SCLY: variants seen among roughly 807,000 people sequenced by gnomAD.
SCLY encodes putative selenocysteine lyase.
A neutral mutation model predicts 50.1 loss-of-function variants in SCLY; 38 were observed. The ratio of observed to expected loss-of-function variants is 0.76; its 90% CI spans 0.59 to 0.99. The LOEUF (loss-of-function observed/expected upper bound fraction) is 0.99, where lower values mean the gene tolerates loss of function less well. Ranked by LOEUF, SCLY falls within the 50% of genes least tolerant of loss-of-function variation. SCLY has a pLI of 0.00. For synonymous variants in SCLY, 243 were observed against 249.4 expected, an observed-to-expected ratio of 0.97 and a Z score of 0.24; for missense variants, 600 against 620.0, an observed-to-expected ratio of 0.97 and a Z score of 0.34.
intron 2 of SCLY, 128 bp downstream of exon 2, chr2:238,064,597 T>G (rs1476520461): frequency 1.3e-5 from 7 of 530,712 alleles, no homozygotes; most frequent in Non-Finnish European, 2.3e-5. Flanking sequence ...ATTCTTGAGC[T>G]GTAATTTTTG....
At chr2:238,065,660 T>TTTTTATTATTA (rs71402758) in intron 2 of SCLY, among the ~76,000 whole-genome samples, 1 of 143,514 alleles carries the variant, frequency 7.0e-6, no homozygotes, top group Non-Finnish European at 1.5e-5. Context: ...AATATTTTAT[T>TTTTTATTATTA]TTATTATTAT....
chr2:238,094,526 A>G lies in SCLY; in HGVS notation c.1108+4A>G, dbSNP rs1365763451. 1.2e-6 allele frequency: 2 copies of G among 1,611,600 alleles called. No individual in the cohort carries two copies. Among genetic ancestry groups the G allele is most frequent in the South Asian group, 2.2e-5 (2 of 91,012 alleles). The stretch of plus-strand genomic sequence containing the variant: ...ATCCGGGGACCCCGGCTTCAAGGTG[A>G]TGGCCCCTCACCCTGGTCTTTCCGA... On this transcript the variant is annotated splice_donor_region_variant and intron_variant, in intron 10 of 11. Transcript: ENST00000254663.
In SCLY at chr2:238,083,002, G is replaced by A; in HGVS notation, c.778-246G>A. The A allele has an allele frequency of 1.8e-6, 1 of 562,554 alleles. No individual in the cohort carries two copies. The allele number at this position is 562,554 out of a possible 1,614,324, so 34.8% of individuals were successfully genotyped here. On this transcript the variant is annotated intron_variant, in intron 6 of 11. Transcript: ENST00000254663. The surrounding 1 kb of genome is among the most constrained non-coding windows in gnomAD (Gnocchi z 4.3). The stretch of plus-strand genomic sequence containing the variant: ...ATCACATGATGCGCAGGGGAGAGCT[G>A]CCTGCCACAGAGCTGAGCACGAGAG...
In SCLY at chr2:238,069,666, T is replaced by C; in HGVS notation, c.484+189T>C. ...GGTGAATAGTTGCCCCTCACTGCAC[T>C]GGGCTCCCTGGCTGCCCCTCTCGGT... On this transcript the variant is annotated intron_variant, in intron 4 of 11. Coordinates refer to ENST00000254663, the MANE Select transcript of SCLY (RefSeq NM_016510.7). This position sits in a 1 kb window ranked among gnomAD's most constrained non-coding sequence, Gnocchi z 5.0. 2.0e-6 allele frequency: 1 copy of C among 509,996 alleles called. No individual in the cohort carries two copies. Among genetic ancestry groups the C allele is most frequent in the Non-Finnish European group, 3.3e-6 (1 of 302,882 alleles). The allele number at this position is 509,996 out of a possible 1,614,324, so 31.6% of individuals were successfully genotyped here.
At chr2:238,070,560 G>A (rs1415138810) in intron 4 of SCLY, among the ~76,000 whole-genome samples, 1 of 152,044 alleles carries the variant, frequency 6.6e-6, no homozygotes, top group African/African-American at 2.4e-5. Flanking sequence ...CGTGCCTGTA[G>A]TTCCAGCTTC....
Position 238,099,110 on chromosome 2 carries a change from T to G in SCLY, c.*755T>G. The G allele has an allele frequency of 6.0e-6, 2 of 331,858 alleles. No individual in the cohort carries two copies. The highest frequency in any genetic ancestry group is 4.2e-5 in the South Asian group (2 of 47,808). 20.6% of individuals were successfully genotyped at this position (331,858 alleles called of 1,614,324 possible). On this transcript the variant is annotated 3_prime_UTR_variant, in exon 12 of 12. Transcript: ENST00000254663. Reference sequence around the variant, plus strand: ...CCAGGCCTTCCTGTCTTGTCCCTTTTGATCATTATTAACTCAGGGTTTCAG... The same window carrying G: ...CCAGGCCTTCCTGTCTTGTCCCTTTGGATCATTATTAACTCAGGGTTTCAG...
rs758642604 is a variant in SCLY at position 238,098,245 on chromosome 2, G to A, written c.1228G>A (p.Ala410Thr). ...GAGCTACGGTGTCCCCTTCGACGTG[G>A]CCAGGAACGCGCTCCGGCTCAGCGT... Reference protein sequence around the residue: ...LLSYGVPFDVARNALRLSVGR... With the variant: ...LLSYGVPFDVTRNALRLSVGR... Residue 410 changes from alanine (A) to threonine (T), a missense_variant, in exon 12 of 12, where the codon GCC becomes ACC. Coordinates refer to ENST00000254663, the MANE Select transcript of SCLY (RefSeq NM_016510.7). 3.1e-6 allele frequency: 5 copies of A among 1,610,958 alleles called. No homozygotes were observed. In the South Asian group the frequency reaches 5.5e-5, roughly 18 times the overall value.
At chr2:238,097,207 A>C (rs2065447671) in intron 11 of SCLY, among the ~76,000 whole-genome samples, 1 of 151,822 alleles carries the variant, frequency 6.6e-6, no homozygotes, top group African/African-American at 2.4e-5. Flanking sequence ...CCTGAGTGTC[A>C]GTGCTTACTT....
chr2:238,077,137 C>A (rs1453835245), intron 4 of SCLY, among the ~76,000 whole-genome samples: 1 of 152,100 alleles, frequency 6.6e-6, no homozygotes, highest in Non-Finnish European at 1.5e-5. Context: ...TCCCTTCAAA[C>A]CTGTCAGTTT....
Position 238,083,398 on chromosome 2 carries a change from C to A in SCLY, c.884+44C>A. 1 of 1,348,844 alleles carries A rather than the reference C, an allele frequency of 7.4e-7. No individual in the cohort carries two copies. Among genetic ancestry groups the A allele is most frequent in the Non-Finnish European group, 1.1e-6 (1 of 939,004 alleles). The allele number at this position is 1,348,844 out of a possible 1,614,324, so 83.6% of individuals were successfully genotyped here. A position where few individuals can be genotyped will look rare whatever the true frequency, so the allele number is the denominator to read the frequency against. ...AAAGTCTCTGACCTACTGACCGTGTCATTTGTAGAGCAGTGACATTGTAAA... is the reference window on the plus strand; with the variant it reads ...AAAGTCTCTGACCTACTGACCGTGTAATTTGTAGAGCAGTGACATTGTAAA... On this transcript the variant is annotated intron_variant, in intron 7 of 11. Transcript: ENST00000254663. The surrounding 1 kb of genome is among the most constrained non-coding windows in gnomAD (Gnocchi z 4.3).
intron 9 of SCLY, 46 bp from the exon 10 acceptor site, chr2:238,094,374 T>C (rs1288927752): frequency 1.4e-6 from 2 of 1,465,840 alleles, no homozygotes; most frequent in South Asian, 2.3e-5. Context: ...TTGCTGGTGG[T>C]GGTGTCTTTG....
intron 7 of SCLY, among the ~76,000 whole-genome samples, chr2:238,089,792 TTGAAA>T (rs1259638490): frequency 1.3e-5 from 2 of 152,136 alleles, no homozygotes; most frequent in African/African-American, 4.8e-5. Flanking sequence ...AAAATAGATC[TTGAAA>T]TTAAATGTAA....
At chr2:238,091,524 G>A in intron 8 of SCLY, 1 of 420,134 alleles carries the variant, frequency 2.4e-6, no homozygotes, top group South Asian at 3.0e-5. Context: ...TTACAGCAGA[G>A]GTGAAGTGTC....
intron 6 of SCLY, chr2:238,082,795 C>G (rs1460877653): frequency 4.3e-6 from 1 of 233,616 alleles, no homozygotes; most frequent in African/African-American, 2.3e-5. Context: ...AAAGGAGTGT[C>G]TATGCTGGCC....
At chr2:238,088,921 G>A (rs187838637) in intron 7 of SCLY, among the ~76,000 whole-genome samples, 9 of 152,320 alleles carry the variant, frequency 5.9e-5, no homozygotes, top group East Asian at 5.8e-4. Flanking sequence ...TCTGGTCAGC[G>A]TAGTAAGGCA....
intron 7 of SCLY, among the ~76,000 whole-genome samples, chr2:238,084,911 A>T (rs1016911827): frequency 6.3e-5 from 8 of 126,870 alleles, no homozygotes; most frequent in African/African-American, 1.8e-4. Context: ...AAAAAAAAAA[A>T]GAAACCTAGA....
chr2:238,061,267 T>C (rs1307277938), intron 1 of SCLY, 124 bp downstream of exon 1: 1 of 784,316 alleles, frequency 1.3e-6, no homozygotes, highest in South Asian at 1.5e-5. Context: ...CGCGGGGATG[T>C]CCGCGAGGTC....
rs1332635055 is a variant in SCLY, at chr2:238,083,478, C to G, written c.884+124C>G. On this transcript the variant is annotated intron_variant, in intron 7 of 11. Coordinates refer to ENST00000254663, the MANE Select transcript of SCLY (RefSeq NM_016510.7). This position sits in a 1 kb window ranked among gnomAD's most constrained non-coding sequence, Gnocchi z 4.3. ...GAGGCTCTGTAGCATGTCCACACTGCTGCTGTGTCAGAACTGGCTCCACTG... is the reference window on the plus strand; with the variant it reads ...GAGGCTCTGTAGCATGTCCACACTGGTGCTGTGTCAGAACTGGCTCCACTG... The G allele has an allele frequency of 1.2e-4, 85 of 717,296 alleles. No homozygotes were observed. The highest frequency in any genetic ancestry group is 5.3e-4 in the South Asian group (33 of 62,498). The allele number at this position is 717,296 out of a possible 1,614,324, so 44.4% of individuals were successfully genotyped here. A position where few individuals can be genotyped will look rare whatever the true frequency, so the allele number is the denominator to read the frequency against.
intron 8 of SCLY, chr2:238,091,529 AGTGTCAAG>A: frequency 2.4e-6 from 1 of 415,050 alleles, no homozygotes; most frequent in Non-Finnish European, 4.4e-6. Context: ...GCAGAGGTGA[AGTGTCAAG>A]CTGCAGGTTC....
Sources: allele counts gnomAD v4.1 joint callset (sites outside exome capture counted in the v4.1 genomes callset), GRCh38; gene constraint gnomAD v4.1.1; non-coding constraint Gnocchi (gnomAD v3.1); transcripts MANE v1.5; gene names NCBI Gene and HGNC (gene_info 2026-07-23, HGNC 2026-07-21).